The following PHF23 variants were observed in gnomAD, a reference collection of about 807,000 sequenced individuals.
PHF23 encodes the protein PHD finger protein 23, also known as PDH-containing protein JUNE-1.
In PHF23, 3 loss-of-function variants were observed where a neutral mutation model predicts 36.0. That is an observed-to-expected ratio of 0.08 (90% CI 0.04 to 0.22). The LOEUF (loss-of-function observed/expected upper bound fraction) is 0.22. Ranked by LOEUF, PHF23 falls within the 10% of genes least tolerant of loss-of-function variation. PHF23 has a pLI of 1.00. For synonymous variants in PHF23, 242 were observed against 192.5 expected, an observed-to-expected ratio of 1.26 and a Z score of -2.13; for missense variants, 475 against 513.6, an observed-to-expected ratio of 0.92 and a Z score of 0.73.
Position 7,235,471 on chromosome 17 carries a change from G to A in PHF23, c.*155C>T. 1.3e-6 allele frequency: 1 copy of A among 764,222 alleles called. No individual in the cohort carries two copies. Among genetic ancestry groups the A allele is most frequent in the Middle Eastern group, 3.9e-4 (1 of 2,572 alleles). 47.3% of individuals were successfully genotyped at this position (764,222 alleles called of 1,614,324 possible). On this transcript the variant is annotated 3_prime_UTR_variant, in exon 5 of 5. Transcript: ENST00000320316. ...AGAGTGGGGAGGAAGGATAGGGTGGGAAAGTGAGACACTCATTTTCAAACA... is the reference window on the plus strand; with the variant it reads ...AGAGTGGGGAGGAAGGATAGGGTGGAAAAGTGAGACACTCATTTTCAAACA...
At position 7,235,719 on chromosome 17, in the gene PHF23, G is replaced by A. The variant is rs750263078; in HGVS notation, c.1119C>T (p.Thr373=). ...GGCAATAAAAGAAGTCGGGGACGTT[G>A]GTCTTCTTAATCTTAGCACAGGAGA... ...IHLSCAKIKK[T]NVPDFFYCQK... Residue 373 remains threonine, a synonymous_variant, in exon 5 of 5, where the codon ACC becomes ACT. Coordinates refer to ENST00000320316, the MANE Select transcript of PHF23 (RefSeq NM_024297.3). 6.8e-6 allele frequency: 11 copies of A among 1,614,010 alleles called. No homozygotes were observed. The East Asian group carries it at 1.1e-4, about 16-fold the overall frequency.
At position 7,235,846 on chromosome 17, in the gene PHF23, G is replaced by T. The variant is rs1567580150; in HGVS notation, c.998-6C>A. On this transcript the variant is annotated splice_polypyrimidine_tract_variant and splice_region_variant and intron_variant, in intron 4 of 4. Transcript: ENST00000320316. ...CAGATCCCATGAGTCATCACCTGGG[G>T]AAAAAAAGGTTTGTTTGGTATTCTG... The T allele has an allele frequency of 6.2e-7, 1 of 1,612,820 alleles. No individual in the cohort carries two copies. Among genetic ancestry groups the T allele is most frequent in the South Asian group, 1.1e-5 (1 of 91,012 alleles).
chr17:7,238,038 GC>G, intron 1 of PHF23: 1 of 225,376 alleles, frequency 4.4e-6, no homozygotes, highest in Non-Finnish European at 8.6e-6. Context: ...CGCGCCCGGA[GC>G]CCCGAGTTCC....
Position 7,236,369 on chromosome 17 carries a change from T to G in PHF23, c.558A>C (p.Arg186=), listed in dbSNP as rs772251950. The change falls in exon 4 of 5, where the codon CGA becomes CGC. Residue 186 remains arginine, a synonymous_variant. Transcript: ENST00000320316. The surrounding 1 kb of genome is among the most constrained non-coding windows in gnomAD (Gnocchi z 5.1). ...CAGCCCCAGCTCCTGGCCCCAACTT[T>G]CGGTTCTTTCGGTCCTTCTTTCGAG... The part of the protein sequence containing the change: ...HPPRKKDRKN[R]KLGPGAGAGF... 31 of 1,613,952 alleles carry G rather than the reference T, an allele frequency of 1.9e-5. No homozygotes were observed. Among genetic ancestry groups the G allele is most frequent in the Non-Finnish European group, 2.5e-5 (30 of 1,180,016 alleles).
chr17:7,235,996 C>G lies in PHF23; in HGVS notation c.931G>C (p.Asp311His). ...KEVGSTETSQ[D>H]GDASSSEGEM... Reference sequence around the variant, plus strand: ...CCTTCACTGGAGCTGGCATCTCCATCTTGGCTTGTTTCAGTGCTGCCCACC... The same window carrying G: ...CCTTCACTGGAGCTGGCATCTCCATGTTGGCTTGTTTCAGTGCTGCCCACC... The change falls in exon 4 of 5, where the codon GAT becomes CAT. Residue 311 changes from aspartate (D) to histidine (H), a missense_variant. Transcript: ENST00000320316. 1 of 1,613,728 alleles carries G rather than the reference C, an allele frequency of 6.2e-7. No homozygotes were observed. The highest frequency in any genetic ancestry group is 8.5e-7 in the Non-Finnish European group (1 of 1,179,752).
chr17:7,238,531 G>T, intron 1 of PHF23: 1 of 1,020,284 alleles, frequency 9.8e-7, no homozygotes, highest in Non-Finnish European at 1.2e-6. Context: ...TCTCTCCACA[G>T]CAGCCACCGC....
At chr17:7,238,887 C>T (rs2071738032) in intron 1 of PHF23, 2 of 1,533,604 alleles carry the variant, frequency 1.3e-6, no homozygotes, top group South Asian at 1.2e-5. Context: ...GCCCCTCACT[C>T]AGCCTCTTCT....
In PHF23 at chr17:7,236,552, A is replaced by G. The variant is rs1375787238; in HGVS notation, c.375T>C (p.Ala125=). ...TGAGCTTCATCTTCTCAAGCAAGGT[A>G]GCACTGTCGGGGGCCTGCAGACGAG... ...TFSRLQAPDS[A]TLLEKMKLKD... The change falls in exon 4 of 5, where the codon GCT becomes GCC. Residue 125 remains alanine, a synonymous_variant. Transcript: ENST00000320316. The surrounding 1 kb of genome is among the most constrained non-coding windows in gnomAD (Gnocchi z 5.1). The G allele has an allele frequency of 6.2e-7, 1 of 1,614,186 alleles. No homozygotes were observed. The highest frequency in any genetic ancestry group is 8.5e-7 in the Non-Finnish European group (1 of 1,180,032).
chr17:7,235,560 A>C lies in PHF23; in HGVS notation c.*66T>G. On this transcript the variant is annotated 3_prime_UTR_variant, in exon 5 of 5. Transcript: ENST00000320316. ...TATCCAAGCTCCAGGGGATAGGCTG[A>C]GGACCCTGAGGCTCAGTTCCCAAAT... 1 of 1,520,316 alleles carries C rather than the reference A, an allele frequency of 6.6e-7. No homozygotes were observed. Among genetic ancestry groups the C allele is most frequent in the Non-Finnish European group, 9.0e-7 (1 of 1,107,710 alleles). The allele number at this position is 1,520,316 out of a possible 1,614,324, so 94.2% of individuals were successfully genotyped here. A position where few individuals can be genotyped will look rare whatever the true frequency, so the allele number is the denominator to read the frequency against.
chr17:7,235,830 T>C lies in PHF23; in HGVS notation c.1008A>G (p.Ser336=). 1 of 1,614,098 alleles carries C rather than the reference T, an allele frequency of 6.2e-7. No homozygotes were observed. The highest frequency in any genetic ancestry group is 8.5e-7 in the Non-Finnish European group (1 of 1,180,028). The change falls in exon 5 of 5, where the codon TCA becomes TCG. Residue 336 remains serine, a synonymous_variant. Transcript: ENST00000320316. ...GACAGTAACATGTGATCAGATCCCA[T>C]GAGTCATCACCTGGGGAAAAAAAGG... The part of the protein sequence containing the change: ...EDIMVESGDD[S]WDLITCYCRK...
In PHF23 at chr17:7,239,249, C is replaced by G. The variant is rs959966551; in HGVS notation, c.31G>C (p.Glu11Gln). MLEAMAEPSP[E>Q]DPPPTLKPET... ...TCTGCACCGGTCGAGAGCTCACCTT[C>G]GGGACTGGGCTCCGCCATGGCTTCC... is the stretch of plus-strand genomic sequence containing the variant. The change falls in exon 1 of 5, where the codon GAA becomes CAA. Residue 11 changes from glutamate to glutamine, a missense_variant. Glu to Gln is a conservative substitution (Grantham distance 29). Coordinates refer to ENST00000320316, the MANE Select transcript of PHF23 (RefSeq NM_024297.3). The G allele has an allele frequency of 3.2e-6, 5 of 1,548,692 alleles. No homozygotes were observed. In the African/African-American group the frequency reaches 6.8e-5, roughly 21 times the overall value.
In PHF23 at chr17:7,239,390, T is replaced by A; in HGVS notation, c.-111A>T. On this transcript the variant is annotated 5_prime_UTR_variant, in exon 1 of 5. Coordinates refer to ENST00000320316, the MANE Select transcript of PHF23 (RefSeq NM_024297.3). Reference sequence around the variant, plus strand: ...GCTTCGCTCCACAGAAGTGTCCGCCTCAGCCCGGTTGAGACTCGAGTCCGC... The same window carrying A: ...GCTTCGCTCCACAGAAGTGTCCGCCACAGCCCGGTTGAGACTCGAGTCCGC... 1 of 562,584 alleles carries A rather than the reference T, an allele frequency of 1.8e-6. No individual in the cohort carries two copies. The highest frequency in any genetic ancestry group is 3.2e-6 in the Non-Finnish European group (1 of 310,396). 34.8% of individuals were successfully genotyped at this position (562,584 alleles called of 1,614,324 possible).
Position 7,239,290 on chromosome 17 carries a change from C to A in PHF23, c.-11G>T. 7.0e-7 allele frequency: 1 copy of A among 1,435,222 alleles called. No individual in the cohort carries two copies. The highest frequency in any genetic ancestry group is 9.7e-7 in the Non-Finnish European group (1 of 1,031,672). The allele number at this position is 1,435,222 out of a possible 1,614,324, so 88.9% of individuals were successfully genotyped here. A position where few individuals can be genotyped will look rare whatever the true frequency, so the allele number is the denominator to read the frequency against. On this transcript the variant is annotated 5_prime_UTR_variant, in exon 1 of 5. Transcript: ENST00000320316. Reference sequence around the variant, plus strand: ...CATGGCTTCCAGCATCGCCCCCTCCCCTCCTCCCGGTCCGGCGCCCCCCTC... The same window carrying A: ...CATGGCTTCCAGCATCGCCCCCTCCACTCCTCCCGGTCCGGCGCCCCCCTC...
chr17:7,238,608 ACCC>A, intron 1 of PHF23: 1 of 376,964 alleles, frequency 2.7e-6, no homozygotes, highest in Non-Finnish European at 3.0e-6. Flanking sequence ...GACCAACCCT[ACCC>A]CCCCGCCCGA....
chr17:7,239,120 G>GA (rs1163042070), intron 1 of PHF23, 126 bp downstream of exon 1: 3 of 1,029,836 alleles, frequency 2.9e-6, no homozygotes, highest in Non-Finnish European at 1.4e-6. Flanking sequence ...CCCACCTCCA[G>GA]GGCCAGCCTC....
Position 7,235,404 on chromosome 17 carries a change from G to T in PHF23, c.*222C>A. The stretch of plus-strand genomic sequence containing the variant: ...GAGATTATGTGTCGGGACACAGACA[G>T]CCTCCCATCCCCAACCGTAATGGAT... On this transcript the variant is annotated 3_prime_UTR_variant, in exon 5 of 5. Transcript: ENST00000320316. 4 of 569,374 alleles carry T rather than the reference G, an allele frequency of 7.0e-6. No individual in the cohort carries two copies. The highest frequency in any genetic ancestry group is 1.3e-5 in the Non-Finnish European group (4 of 319,264). The allele number at this position is 569,374 out of a possible 1,614,324, so 35.3% of individuals were successfully genotyped here.
chr17:7,236,145 T>C lies in PHF23; in HGVS notation c.782A>G (p.Glu261Gly), dbSNP rs1417376579. ...TTCACCCCCTACCACTGTTGCCATC[T>C]CTTCTTCTTCTTCCTCTTCCTCCTC... Reference protein sequence around the residue: ...EEEEEEEEEEEMATVVGGEAP... With the variant: ...EEEEEEEEEEGMATVVGGEAP... The change falls in exon 4 of 5, where the codon GAG (glutamate) becomes GGG (glycine). Residue 261 changes from glutamate to glycine, a missense_variant. Physicochemically the swap from Glu to Gly is moderately conservative, Grantham distance 98. Transcript: ENST00000320316. This position sits in a 1 kb window ranked among gnomAD's most constrained non-coding sequence, Gnocchi z 5.1. 1 of 1,606,526 alleles carries C rather than the reference T, an allele frequency of 6.2e-7. No individual in the cohort carries two copies. Among genetic ancestry groups the C allele is most frequent in the African/African-American group, 1.3e-5 (1 of 74,684 alleles).
At chr17:7,235,871 G>A (rs774333770) in intron 4 of PHF23, 31 bp from the exon 5 acceptor site, 1 of 1,613,872 alleles carries the variant, frequency 6.2e-7, no homozygotes, top group South Asian at 1.1e-5. Context: ...TTGGTATTCT[G>A]CCTGAGCTGT....
upstream of PHF23, chr17:7,240,310 C>T (rs1254774703): frequency 6.5e-6 from 1 of 153,296 alleles, no homozygotes; most frequent in Non-Finnish European, 1.5e-5. Context: ...TACTTCTATC[C>T]CTCCAGCTTG....
Sources: gnomAD v4.1 joint callset for allele counts on GRCh38, gnomAD v4.1.1 for gene constraint, Gnocchi (gnomAD v3.1) non-coding constraint, MANE v1.5 for transcripts, NCBI Gene and HGNC (gene_info 2026-07-23, HGNC 2026-07-21) for gene names.